The following ADGRA3 variants were observed in gnomAD, a reference collection of about 807,000 sequenced individuals.
ADGRA3 encodes the protein adhesion G protein-coupled receptor A3.
ADGRA3 carries 56 observed loss-of-function variants against 119.8 expected under a neutral mutation model. The observed-to-expected ratio is 0.47, with a 90% CI of 0.38 to 0.58. The LOEUF (loss-of-function observed/expected upper bound fraction) is 0.58. Ranked by LOEUF, ADGRA3 falls within the 20% of genes least tolerant of loss-of-function variation. The pLI is 0.00. For missense variants in ADGRA3, 1,516 were observed against 1,649.0 expected (o/e 0.92, Z 1.40); for synonymous variants, 607 against 623.8 (o/e 0.97, Z 0.40).
intron 2 of ADGRA3, among the ~76,000 whole-genome samples, chr4:22,468,692 T>C (rs1049984441): frequency 1.3e-5 from 2 of 151,230 alleles, no homozygotes; most frequent in Admixed American, 6.6e-5. Flanking sequence ...TCGCTTGAAC[T>C]TGGGAGGTGG....
Position 22,507,933 on chromosome 4 carries a change from A to C in ADGRA3, c.257+7595T>G, listed in dbSNP as rs191262104. On this transcript the variant is annotated intron_variant, in intron 1 of 18. Transcript: ENST00000334304. ...CCACAGCTATGAACCTAATAAACTA[A>C]ATAAAGACATGTTCTCATTTGCTAT... Among the ~76,000 whole-genome samples, 1,340 of 152,252 alleles carry C rather than the reference A, an allele frequency of 8.8e-3. 15 individuals carry two copies. The highest frequency in any genetic ancestry group is 0.011 in the Non-Finnish European group (728 of 68,014).
chr4:22,516,031 T>TCCTCCG lies in ADGRA3; in HGVS notation c.-248_-247insCGGAGG, dbSNP rs1453488558. The TCCTCCG allele has an allele frequency of 6.5e-6, 1 of 153,626 alleles. No homozygotes were observed. The highest frequency in any genetic ancestry group is 2.0e-4 in the East Asian group (1 of 5,090). The allele number at this position is 153,626 out of a possible 1,614,324, so 9.5% of individuals were successfully genotyped here. On this transcript the variant is annotated 5_prime_UTR_variant, in exon 1 of 19. Coordinates refer to ENST00000334304, the MANE Select transcript of ADGRA3 (RefSeq NM_145290.4). ...TCTACCGCCCGGCGCGAGCACCGCC[T>TCCTCCG]CCTCCTCCTCCTCTGCCGCCGCCGC...
rs565654450 is a variant in ADGRA3, at chr4:22,515,495, G to A, written c.257+33C>T. 1.8e-4 allele frequency: 284 copies of A among 1,594,244 alleles called. 1 individual carries two copies. In the South Asian group the frequency reaches 2.8e-3, roughly 16 times the overall value. ...GCGGAGAGATAAGAAAGAGCCGAGC[G>A]GGAGAGGACCCAGCGTCGCGGGAGA... On this transcript the variant is annotated intron_variant, in intron 1 of 18. Coordinates refer to ENST00000334304, the MANE Select transcript of ADGRA3 (RefSeq NM_145290.4).
chr4:22,485,967 C>G (rs186086785), intron 1 of ADGRA3, among the ~76,000 whole-genome samples: 3 of 152,278 alleles, frequency 2.0e-5, no homozygotes, highest in Non-Finnish European at 1.5e-5. Flanking sequence ...TTGCCACCCC[C>G]TATGGTTTCA....
intron 4 of ADGRA3, among the ~76,000 whole-genome samples, 159 bp downstream of exon 4, chr4:22,454,707 G>T (rs566823244): frequency 6.6e-6 from 1 of 152,152 alleles, no homozygotes; most frequent in South Asian, 2.1e-4. Flanking sequence ...ATTCTGAGGA[G>T]ATTACATCCC....
intron 2 of ADGRA3, among the ~76,000 whole-genome samples, chr4:22,465,590 T>C (rs1717627356): frequency 6.6e-6 from 1 of 152,134 alleles, no homozygotes; most frequent in Admixed American, 6.5e-5. Context: ...AACCAGTAAA[T>C]ATAGTGAGTT....
intron 16 of ADGRA3, among the ~76,000 whole-genome samples, chr4:22,399,739 C>A (rs1714533729): frequency 6.6e-6 from 1 of 152,124 alleles, no homozygotes; most frequent in South Asian, 2.1e-4. Flanking sequence ...GCCTCATAAA[C>A]CCTGATGACT....
chr4:22,478,704 AGG>A (rs1289146584), intron 1 of ADGRA3, among the ~76,000 whole-genome samples: 1 of 152,212 alleles, frequency 6.6e-6, no homozygotes, highest in Non-Finnish European at 1.5e-5. Context: ...ATCCTGAGTT[AGG>A]GTAGGCCCTA....
intron 1 of ADGRA3, among the ~76,000 whole-genome samples, chr4:22,510,405 C>T (rs914860385): frequency 2.6e-5 from 4 of 152,154 alleles, no homozygotes; most frequent in Non-Finnish European, 5.9e-5. Flanking sequence ...ACATAAACTT[C>T]TCTTAGCTTC....
In ADGRA3 at chr4:22,461,813, T is replaced by C. The variant is rs1440684082; in HGVS notation, c.330-5A>G. 6.3e-7 allele frequency: 1 copy of C among 1,590,100 alleles called. No individual in the cohort carries two copies. The highest frequency in any genetic ancestry group is 1.3e-5 in the African/African-American group (1 of 74,340). On this transcript the variant is annotated splice_polypyrimidine_tract_variant and splice_region_variant and intron_variant, in intron 2 of 18. Coordinates refer to ENST00000334304, the MANE Select transcript of ADGRA3 (RefSeq NM_145290.4). ...ATAAGATTGTTTCGGAGGTCCCTGT[T>C]AAAAATAAAATAAAAGTTATTCACA... is the stretch of plus-strand genomic sequence containing the variant.
intron 7 of ADGRA3, among the ~76,000 whole-genome samples, chr4:22,440,709 C>A (rs1483662785): frequency 2.0e-5 from 3 of 152,088 alleles, no homozygotes; most frequent in Non-Finnish European, 4.4e-5. Flanking sequence ...AATCAAAGCT[C>A]TTCTACATAG....
intron 2 of ADGRA3, among the ~76,000 whole-genome samples, chr4:22,466,889 A>G (rs75331216): frequency 0.027 from 4,120 of 152,294 alleles, 89 homozygotes; most frequent in Non-Finnish European, 0.041. Flanking sequence ...GAGTGTGTGG[A>G]TGGATATGTT....
chr4:22,433,744 C>T (rs1186924518), intron 10 of ADGRA3, among the ~76,000 whole-genome samples: 1 of 152,160 alleles, frequency 6.6e-6, no homozygotes, highest in Non-Finnish European at 1.5e-5. Flanking sequence ...ATCCCACTCC[C>T]GGAAATGACT....
intron 10 of ADGRA3, among the ~76,000 whole-genome samples, chr4:22,425,269 T>C (rs1271256362): frequency 2.0e-5 from 3 of 152,262 alleles, no homozygotes; most frequent in East Asian, 3.9e-4. Context: ...ACTCAATGAA[T>C]GCTTTTAAGA....
chr4:22,405,341 A>G (rs1326618757), intron 14 of ADGRA3, among the ~76,000 whole-genome samples: 2 of 152,070 alleles, frequency 1.3e-5, no homozygotes, highest in Non-Finnish European at 2.9e-5. Context: ...GGAGCTTGAA[A>G]CCAGCCTGAG....
chr4:22,508,098 C>T (rs569273833), intron 1 of ADGRA3, among the ~76,000 whole-genome samples: 4 of 152,156 alleles, frequency 2.6e-5, no homozygotes, highest in African/African-American at 4.8e-5. Flanking sequence ...AGGCGCTGTG[C>T]GAAGACAAGT....
chr4:22,493,353 C>A (rs1718697783), intron 1 of ADGRA3, among the ~76,000 whole-genome samples: 1 of 152,176 alleles, frequency 6.6e-6, no homozygotes, highest in African/African-American at 2.4e-5. Flanking sequence ...AAAGATCTTT[C>A]AAAAAGATCC....
intron 11 of ADGRA3, among the ~76,000 whole-genome samples, chr4:22,422,993 C>T (rs898770538): frequency 6.6e-6 from 1 of 151,872 alleles, no homozygotes; most frequent in Non-Finnish European, 1.5e-5. Context: ...ATCAGGAGTT[C>T]GAGATCAGCC....
intron 1 of ADGRA3, chr4:22,478,173 C>G (rs935163541): frequency 6.6e-6 from 1 of 152,140 alleles, no homozygotes; most frequent in Non-Finnish European, 1.5e-5. Flanking sequence ...TAAGGAAGTC[C>G]TTGATGTCTA....
Sources: allele counts gnomAD v4.1 joint callset (sites outside exome capture counted in the v4.1 genomes callset), GRCh38; gene constraint gnomAD v4.1.1; transcripts MANE v1.5; gene names NCBI Gene and HGNC (gene_info 2026-07-23, HGNC 2026-07-21).